KCNMA1: variants seen among roughly 807,000 people sequenced by gnomAD.
The protein encoded by KCNMA1 is Calcium-activated potassium channel subunit alpha-1.
Under a neutral mutation model 140.0 loss-of-function variants are expected in KCNMA1, and 29 were observed. That is an observed-to-expected ratio of 0.21 (90% CI 0.15 to 0.28). KCNMA1 has a LOEUF of 0.28. Among genes scored for constraint, KCNMA1 ranks in the 10% least tolerant of loss-of-function variants. KCNMA1 has a pLI of 1.00. For synonymous variants in KCNMA1, 612 were observed against 611.9 expected (o/e 1.00, Z 0.00); for missense variants, 880 against 1,602.2 (o/e 0.55, Z 7.70).
intron 1 of KCNMA1, among the ~76,000 whole-genome samples, chr10:77,592,799 C>CA (rs914782282): frequency 2.6e-5 from 4 of 152,190 alleles, no homozygotes; most frequent in African/African-American, 9.6e-5. Context: ...GGAGGACCCT[C>CA]AGTCTTCTCT....
At chr10:77,440,803 T>C (rs1310928954) in intron 1 of KCNMA1, among the ~76,000 whole-genome samples, 1 of 152,090 alleles carries the variant, frequency 6.6e-6, no homozygotes. Flanking sequence ...CCAGCAAGAA[T>C]CAAAATTCTT....
intron 5 of KCNMA1, among the ~76,000 whole-genome samples, chr10:77,125,723 G>C (rs1026508484): frequency 6.6e-6 from 1 of 152,176 alleles, no homozygotes; most frequent in Non-Finnish European, 1.5e-5. Context: ...TTTTGTTCAG[G>C]GCTATATTTC....
chr10:76,923,484 T>G (rs994736773), intron 23 of KCNMA1, among the ~76,000 whole-genome samples: 1 of 151,010 alleles, frequency 6.6e-6, no homozygotes, highest in Non-Finnish European at 1.5e-5. Flanking sequence ...CTGTGTAAGA[T>G]GTTTCTCAGA....
chr10:77,203,595 G>A (rs993941162), intron 3 of KCNMA1, among the ~76,000 whole-genome samples: 1 of 152,082 alleles, frequency 6.6e-6, no homozygotes, highest in Non-Finnish European at 1.5e-5. Context: ...GGAGAGCCTT[G>A]GTGTTTTGTG....
chr10:76,936,606 CA>C (rs1416236239), intron 23 of KCNMA1, among the ~76,000 whole-genome samples: 2 of 152,062 alleles, frequency 1.3e-5, no homozygotes, highest in Admixed American at 6.6e-5. Context: ...TATATGGGAG[CA>C]GCTGAAAAAA....
At chr10:77,452,208 A>G (rs761574479) in intron 1 of KCNMA1, among the ~76,000 whole-genome samples, 2 of 152,190 alleles carry the variant, frequency 1.3e-5, no homozygotes, top group Non-Finnish European at 2.9e-5. Context: ...CAATCCAGAC[A>G]GTAAGACTGG....
intron 2 of KCNMA1, among the ~76,000 whole-genome samples, chr10:77,253,023 T>C: frequency 6.6e-6 from 1 of 152,144 alleles, no homozygotes; most frequent in Non-Finnish European, 1.5e-5. Flanking sequence ...CTTTCAAAGG[T>C]ACACACAAAA....
intron 3 of KCNMA1, among the ~76,000 whole-genome samples, chr10:77,199,890 A>G (rs1290881518): frequency 6.6e-6 from 1 of 152,202 alleles, no homozygotes; most frequent in Admixed American, 6.5e-5. Context: ...CCCTGGAAGC[A>G]TGTCTGCTCT....
At chr10:76,945,653 T>C (rs187041580) in intron 22 of KCNMA1, among the ~76,000 whole-genome samples, 16 of 152,136 alleles carry the variant, frequency 1.1e-4, no homozygotes, top group East Asian at 9.7e-4. Context: ...TGGAGAAATA[T>C]ACTTTTGGAC....
At chr10:77,233,522 T>C (rs1216466089) in intron 3 of KCNMA1, among the ~76,000 whole-genome samples, 1 of 152,242 alleles carries the variant, frequency 6.6e-6, no homozygotes, top group Non-Finnish European at 1.5e-5. Flanking sequence ...AGCATTCCAC[T>C]GGAGGCTATA....
intron 1 of KCNMA1, among the ~76,000 whole-genome samples, chr10:77,561,740 AG>A (rs2066474061): frequency 6.6e-6 from 1 of 152,158 alleles, no homozygotes; most frequent in African/African-American, 2.4e-5. Context: ...GAGCCATTTT[AG>A]GGGCTGCTTC....
chr10:76,906,763 T>G (rs1429578599), intron 25 of KCNMA1, among the ~76,000 whole-genome samples: 1 of 152,062 alleles, frequency 6.6e-6, no homozygotes, highest in African/African-American at 2.4e-5. Context: ...AGTTACTGCC[T>G]TGGCACTTGA....
intron 18 of KCNMA1, chr10:77,008,191 T>C: frequency 6.5e-7 from 1 of 1,534,880 alleles, no homozygotes; most frequent in Non-Finnish European, 8.7e-7. Context: ...TCACAATATA[T>C]CACTACCAGT....
chr10:76,886,270 T>C lies in KCNMA1; in HGVS notation c.*996A>G. On this transcript the variant is annotated 3_prime_UTR_variant, in exon 28 of 28. Coordinates refer to ENST00000286628, the MANE Select transcript of KCNMA1 (RefSeq NM_001161352.2). ...GGGGAGTAAAAAGATCCCCTGAGAA[T>C]GCATGGAAAAATACTTGCTCTTTCC... The C allele has an allele frequency of 6.1e-6, 6 of 985,374 alleles. No homozygotes were observed. Among genetic ancestry groups the C allele is most frequent in the Non-Finnish European group, 7.2e-6 (6 of 829,886 alleles). 61.0% of individuals were successfully genotyped at this position (985,374 alleles called of 1,614,324 possible).
intron 14 of KCNMA1, among the ~76,000 whole-genome samples, chr10:77,042,498 G>T (rs948523770): frequency 2.0e-5 from 3 of 152,142 alleles, no homozygotes; most frequent in African/African-American, 4.8e-5. Context: ...AGCCTTATGG[G>T]CAAATAGTAT....
intron 5 of KCNMA1, among the ~76,000 whole-genome samples, chr10:77,146,194 C>T (rs577286113): frequency 1.3e-5 from 2 of 152,246 alleles, no homozygotes; most frequent in African/African-American, 2.4e-5. Context: ...TTTTAGGGGA[C>T]GATCCACCAG....
Position 76,969,991 on chromosome 10 carries a change from G to A in KCNMA1, c.2343C>T (p.Thr781=). ...RNGGMRNSPN[T]SPKLMRHDPL... Reference sequence around the variant, plus strand: ...CTCCTTACCTCATCAGCTTAGGCGAGGTGTTGGGTGAGTTCCGCATGCCTC... The same window carrying A: ...CTCCTTACCTCATCAGCTTAGGCGAAGTGTTGGGTGAGTTCCGCATGCCTC... Residue 781 remains threonine, a synonymous_variant, in exon 20 of 28, where the codon ACC becomes ACT. Transcript: ENST00000286628. The A allele has an allele frequency of 1.2e-6, 2 of 1,613,956 alleles. No homozygotes were observed. Among genetic ancestry groups the A allele is most frequent in the South Asian group, 1.1e-5 (1 of 91,070 alleles).
intron 3 of KCNMA1, among the ~76,000 whole-genome samples, chr10:77,244,359 C>A (rs1294149921): frequency 6.6e-6 from 1 of 152,208 alleles, no homozygotes; most frequent in Non-Finnish European, 1.5e-5. Context: ...CTCAGTCCTC[C>A]TGTCCTTTCC....
chr10:77,029,545 A>C (rs2093758027), intron 15 of KCNMA1, among the ~76,000 whole-genome samples: 1 of 152,190 alleles, frequency 6.6e-6, no homozygotes, highest in Non-Finnish European at 1.5e-5. Context: ...TTGTATTGGG[A>C]GAGACAGACA....
Sources: gnomAD v4.1 joint callset for allele counts (sites outside exome capture counted in the v4.1 genomes callset) on GRCh38, gnomAD v4.1.1 for gene constraint, MANE v1.5 for transcripts, NCBI Gene and HGNC (gene_info 2026-07-23, HGNC 2026-07-21) for gene names.